The following EYA4 variants were observed in gnomAD, a reference collection of about 807,000 sequenced individuals.
The protein encoded by EYA4 is EYA transcriptional coactivator and phosphatase 4.
In EYA4, 31 loss-of-function variants were observed where a neutral mutation model predicts 87.9. That is an observed-to-expected ratio of 0.35 (90% confidence interval 0.27 to 0.48). The LOEUF is 0.48. Among genes scored for constraint, EYA4 ranks in the 20% least tolerant of loss-of-function variants. The pLI is 0.99. For synonymous variants in EYA4, 263 were observed against 270.6 expected, an observed-to-expected ratio of 0.97 and a Z score of 0.28; for missense variants, 678 against 761.4, an observed-to-expected ratio of 0.89 and a Z score of 1.29.
intron 2 of EYA4, among the ~76,000 whole-genome samples, chr6:133,278,036 C>T (rs77727447): frequency 0.025 from 3,834 of 152,168 alleles, 127 homozygotes; most frequent in African/African-American, 0.081. Context: ...CAAGCCCTTT[C>T]TTGCCTTCAA....
chr6:133,274,798 T>C lies in EYA4; in HGVS notation c.18T>C (p.Asp6=), dbSNP rs747628106. MEDSQ[D]LNEQSVKKTC... ...AAAACCACATGGAAGACTCCCAGGATTTAAATGAACAATCAGTAAGTCTTC... is the reference window on the plus strand; with the variant it reads ...AAAACCACATGGAAGACTCCCAGGACTTAAATGAACAATCAGTAAGTCTTC... The change falls in exon 2 of 20, where the codon GAT becomes GAC. Residue 6 remains aspartate (D), a synonymous_variant. Coordinates refer to ENST00000355286, the MANE Select transcript of EYA4 (RefSeq NM_004100.5). 1.2e-6 allele frequency: 2 copies of C among 1,613,748 alleles called. No individual in the cohort carries two copies. Among genetic ancestry groups the C allele is most frequent in the South Asian group, 2.2e-5 (2 of 91,072 alleles).
intron 1 of EYA4, among the ~76,000 whole-genome samples, chr6:133,256,468 C>T (rs1283794569): frequency 6.6e-6 from 1 of 151,866 alleles, no homozygotes; most frequent in Non-Finnish European, 1.5e-5. Flanking sequence ...TACTCTGTGC[C>T]AGGCACAGTT....
intron 11 of EYA4, among the ~76,000 whole-genome samples, chr6:133,480,727 T>C (rs1365490656): frequency 1.3e-5 from 2 of 152,230 alleles, no homozygotes; most frequent in Non-Finnish European, 2.9e-5. Context: ...CATATCTCTT[T>C]TTACTTTTTT....
chr6:133,466,160 G>A (rs777202572), intron 10 of EYA4, among the ~76,000 whole-genome samples: 7 of 152,118 alleles, frequency 4.6e-5, no homozygotes, highest in African/African-American at 7.2e-5. Flanking sequence ...CAGAGGGTGG[G>A]ATGGGATATA....
chr6:133,278,725 G>A (rs1777385618), intron 2 of EYA4, among the ~76,000 whole-genome samples: 1 of 152,066 alleles, frequency 6.6e-6, no homozygotes, highest in African/African-American at 2.4e-5. Context: ...TAGTATATCT[G>A]GCTCCTATTT....
intron 1 of EYA4, among the ~76,000 whole-genome samples, chr6:133,264,742 G>A (rs1431757049): frequency 3.3e-5 from 5 of 152,214 alleles, no homozygotes; most frequent in Non-Finnish European, 7.3e-5. Context: ...GCAGCCTGGT[G>A]TGGAGTTGAG....
In EYA4 at chr6:133,450,207, G is replaced by C. The variant is rs764911445; in HGVS notation, c.277+2028G>C. Reference sequence around the variant, plus strand: ...TCACCGTGTTAGCCAGGGCGGTCTCGATCTCCTGACTTCGTGATCGGCCCG... The same window carrying C: ...TCACCGTGTTAGCCAGGGCGGTCTCCATCTCCTGACTTCGTGATCGGCCCG... On this transcript the variant is annotated intron_variant, in intron 5 of 19. Transcript: ENST00000355286. Among the ~76,000 whole-genome samples the C allele has an allele frequency of 1.5e-3, 227 of 152,102 alleles. 1 individual carries two copies. Among genetic ancestry groups the C allele is most frequent in the Non-Finnish European group, 2.5e-3 (173 of 68,000 alleles).
intron 2 of EYA4, among the ~76,000 whole-genome samples, chr6:133,331,612 A>G (rs1781967760): frequency 6.6e-6 from 1 of 152,230 alleles, no homozygotes; most frequent in Non-Finnish European, 1.5e-5. Flanking sequence ...GAAAGGACCT[A>G]GTTTACTGCA....
At chr6:133,271,401 A>T (rs146565066) in intron 1 of EYA4, among the ~76,000 whole-genome samples, 2 of 152,146 alleles carry the variant, frequency 1.3e-5, no homozygotes, top group African/African-American at 4.8e-5. Flanking sequence ...GTCAGAGGCA[A>T]TGCTGTGTGG....
chr6:133,248,696 A>G (rs1774625432), intron 1 of EYA4: 2 of 152,156 alleles, frequency 1.3e-5, no homozygotes, highest in South Asian at 4.1e-4. Flanking sequence ...ATGTATATTC[A>G]TGTGCGGTTA....
chr6:133,443,707 T>C (rs1792529593), intron 3 of EYA4, among the ~76,000 whole-genome samples: 1 of 152,200 alleles, frequency 6.6e-6, no homozygotes, highest in South Asian at 2.1e-4. Context: ...ACAGTTTGAT[T>C]TGATCTTTTC....
At chr6:133,355,412 A>G (rs181847754) in intron 2 of EYA4, among the ~76,000 whole-genome samples, 8 of 152,354 alleles carry the variant, frequency 5.3e-5, no homozygotes, top group Admixed American at 3.3e-4. Flanking sequence ...TCACAATAGC[A>G]AAGACATGGA....
intron 1 of EYA4, among the ~76,000 whole-genome samples, chr6:133,262,157 A>C (rs974646545): frequency 7.2e-5 from 11 of 152,232 alleles, no homozygotes; most frequent in Admixed American, 5.2e-4. Context: ...CAGGATGATC[A>C]TAAAGTCATC....
At chr6:133,412,388 CG>C (rs2128543256) in intron 3 of EYA4, among the ~76,000 whole-genome samples, 1 of 152,254 alleles carries the variant, frequency 6.6e-6, no homozygotes, top group East Asian at 1.9e-4. Context: ...GAGAAGACAT[CG>C]AATGTGATCA....
At chr6:133,498,874 G>A (rs1172536982) in intron 13 of EYA4, among the ~76,000 whole-genome samples, 1 of 152,126 alleles carries the variant, frequency 6.6e-6, no homozygotes, top group Non-Finnish European at 1.5e-5. Context: ...ATATGTTTGA[G>A]AATTTCTTTT....
At chr6:133,246,023 C>T (rs1774379168) in intron 1 of EYA4, among the ~76,000 whole-genome samples, 2 of 152,098 alleles carry the variant, frequency 1.3e-5, no homozygotes. Context: ...TTTCACACCT[C>T]CAGAAAAAGA....
intron 2 of EYA4, among the ~76,000 whole-genome samples, chr6:133,356,744 TCA>T: frequency 8.6e-6 from 1 of 116,126 alleles, no homozygotes; most frequent in Non-Finnish European, 1.7e-5. Flanking sequence ...AAAGCATTAT[TCA>T]GTGTGTGTGT....
intron 3 of EYA4, among the ~76,000 whole-genome samples, chr6:133,403,013 A>G (rs1057190189): frequency 2.6e-5 from 4 of 152,142 alleles, no homozygotes; most frequent in Non-Finnish European, 2.9e-5. Flanking sequence ...GCTAATAACA[A>G]TGCCTGCTTT....
At chr6:133,250,296 A>T (rs1774781333) in intron 1 of EYA4, among the ~76,000 whole-genome samples, 1 of 152,196 alleles carries the variant, frequency 6.6e-6, no homozygotes, top group Non-Finnish European at 1.5e-5. Flanking sequence ...CGGTAATTTC[A>T]TAGTACTTGA....
Sources: gnomAD v4.1 joint callset for allele counts (sites outside exome capture counted in the v4.1 genomes callset) on GRCh38, gnomAD v4.1.1 for gene constraint, MANE v1.5 for transcripts, NCBI Gene and HGNC (gene_info 2026-07-23, HGNC 2026-07-21) for gene names.